The following SIRT6 variants were observed in gnomAD, a reference collection of about 807,000 sequenced individuals.
The protein encoded by SIRT6 is NAD-dependent protein deacylase sirtuin-6.
In SIRT6, 21 loss-of-function variants were observed where a neutral mutation model predicts 33.6. The observed-to-expected ratio is 0.62, with a 90% confidence interval of 0.44 to 0.90. The LOEUF is 0.90. SIRT6 is among the 40% of genes least tolerant of loss of function. SIRT6 has a pLI of 0.00. For missense variants in SIRT6, 504 were observed against 510.6 expected, an observed-to-expected ratio of 0.99 and a Z score of 0.12; for synonymous variants, 221 against 223.9, an observed-to-expected ratio of 0.99 and a Z score of 0.12.
At chr19:4,175,220 G>A in intron 6 of SIRT6, 69 bp from the exon 7 acceptor site, 1 of 1,526,082 alleles carries the variant, frequency 6.6e-7, no homozygotes. Context: ...AGCCCTGGGG[G>A]CCGGTTCACA....
chr19:4,174,694 G>T lies in SIRT6; in HGVS notation c.991C>A (p.Pro331Thr). 1 of 1,462,574 alleles carries T rather than the reference G, an allele frequency of 6.8e-7. No homozygotes were observed. Among genetic ancestry groups the T allele is most frequent in the African/African-American group, 1.4e-5 (1 of 70,408 alleles). The allele number at this position is 1,462,574 out of a possible 1,614,324, so 90.6% of individuals were successfully genotyped here. A position where few individuals can be genotyped will look rare whatever the true frequency, so the allele number is the denominator to read the frequency against. ...AQHNGSEPAS[P>T]KRERPTSPAP... Reference sequence around the variant, plus strand: ...GGGCTGGTGGGCCGCTCCCGTTTGGGGCTGGCGGGCTCTGAGCCGTTGTGC... The same window carrying T: ...GGGCTGGTGGGCCGCTCCCGTTTGGTGCTGGCGGGCTCTGAGCCGTTGTGC... Residue 331 changes from proline to threonine, a missense_variant, in exon 8 of 8, where the codon CCC becomes ACC. By Grantham distance (38) the Pro-to-Thr change is conservative. Transcript: ENST00000337491. The surrounding 1 kb of genome is among the most constrained non-coding windows in gnomAD (Gnocchi z 4.2).
intron 4 of SIRT6, among the ~76,000 whole-genome samples, chr19:4,176,687 A>C (rs1440314557): frequency 6.6e-6 from 1 of 152,172 alleles, no homozygotes; most frequent in African/African-American, 2.4e-5. Context: ...AAAGGCAGGA[A>C]AAATCCTCCC....
rs780192842 is a variant in SIRT6, at chr19:4,174,979, G to A, written c.739-33C>T. 1 of 1,608,834 alleles carries A rather than the reference G, an allele frequency of 6.2e-7. No individual in the cohort carries two copies. The highest frequency in any genetic ancestry group is 1.1e-5 in the South Asian group (1 of 90,360). On this transcript the variant is annotated intron_variant, in intron 7 of 7. Transcript: ENST00000337491. This position sits in a 1 kb window ranked among gnomAD's most constrained non-coding sequence, Gnocchi z 4.2. ...GGGGCGGGACGGGTCAGGCGTGGGG[G>A]ACAGAGGGTGCATGGTGGCCCTGGG... is the stretch of plus-strand genomic sequence containing the variant.
At chr19:4,177,250 C>A (rs2145166515) in intron 3 of SIRT6, 112 bp from the exon 4 acceptor site, 2 of 886,666 alleles carry the variant, frequency 2.3e-6, no homozygotes, top group East Asian at 2.6e-5. Context: ...GACTCCTCTC[C>A]CACAACATTG....
In SIRT6 at chr19:4,174,768, C is replaced by G. The variant is rs761055781; in HGVS notation, c.917G>C (p.Arg306Pro). 1.7e-5 allele frequency: 21 copies of G among 1,258,020 alleles called. No homozygotes were observed. Among genetic ancestry groups the G allele is most frequent in the Non-Finnish European group, 2.1e-5 (21 of 987,440 alleles). The allele number at this position is 1,258,020 out of a possible 1,614,324, so 77.9% of individuals were successfully genotyped here. ...GCCGGCGGGGATAGAGCCGTTGATC[C>G]GGGTGGGAGATTCCTCCTTGGGCTC... The part of the protein sequence containing the change: ...KLEPKEESPT[R>P]INGSIPAGPK... Residue 306 changes from arginine (R) to proline (P), a missense_variant, in exon 8 of 8, where the codon CGG (arginine) becomes CCG (proline). Coordinates refer to ENST00000337491, the MANE Select transcript of SIRT6 (RefSeq NM_016539.4). This position sits in a 1 kb window ranked among gnomAD's most constrained non-coding sequence, Gnocchi z 4.2.
chr19:4,177,210 T>C, intron 3 of SIRT6, 72 bp from the exon 4 acceptor site: 1 of 1,465,404 alleles, frequency 6.8e-7, no homozygotes, highest in Non-Finnish European at 9.5e-7. Flanking sequence ...GAGCTGGTGC[T>C]AAGCCCCTCT....
Position 4,179,223 on chromosome 19 carries a change from A to G in SIRT6, c.258T>C (p.Phe86=), listed in dbSNP as rs766273970. ...GGGTCTGCGTGGGCCGCGCGCTCTC[A>G]AAGGTGGTGTCGAACTTGGGGGCCA... The part of the protein sequence containing the change: ...RGLAPKFDTT[F]ESARPTQTHM... Residue 86 remains phenylalanine, a synonymous_variant, in exon 3 of 8, where the codon TTT becomes TTC. Transcript: ENST00000337491. 1 of 1,610,872 alleles carries G rather than the reference A, an allele frequency of 6.2e-7. No homozygotes were observed. The highest frequency in any genetic ancestry group is 8.5e-7 in the Non-Finnish European group (1 of 1,179,108).
chr19:4,179,171 C>G lies in SIRT6; in HGVS notation c.310G>C (p.Val104Leu), dbSNP rs757185877. The G allele has an allele frequency of 7.4e-6, 12 of 1,612,058 alleles. No homozygotes were observed. Among genetic ancestry groups the G allele is most frequent in the South Asian group, 1.1e-5 (1 of 90,714 alleles). Residue 104 changes from valine (V) to leucine (L), a missense_variant, in exon 3 of 8, where the codon GTG becomes CTG. Val to Leu is a conservative substitution (Grantham distance 32, BLOSUM62 1). Transcript: ENST00000337491. The stretch of plus-strand genomic sequence containing the variant: ...CTGACCAGGAAGCGGAGGAGGCCCA[C>G]GCGCTCCAGCTGCACCAGCGCCATG... ...THMALVQLER[V>L]GLLRFLVSQN...
chr19:4,180,303 C>A (rs1967550171), intron 2 of SIRT6, among the ~76,000 whole-genome samples: 1 of 152,004 alleles, frequency 6.6e-6, no homozygotes, highest in African/African-American at 2.4e-5. Flanking sequence ...CATTTCCCAG[C>A]AACCCTTGCA....
chr19:4,176,054 T>G, intron 4 of SIRT6, 117 bp from the exon 5 acceptor site: 3 of 792,474 alleles, frequency 3.8e-6, no homozygotes, highest in Non-Finnish European at 6.1e-6. Context: ...TGACCAGAAC[T>G]AGCACCCAGC....
chr19:4,176,302 T>C (rs540235991), intron 4 of SIRT6, among the ~76,000 whole-genome samples: 6 of 152,244 alleles, frequency 3.9e-5, no homozygotes, highest in Admixed American at 1.3e-4. Context: ...CTTTAATCGT[T>C]ATACTGGGCC....
intron 2 of SIRT6, among the ~76,000 whole-genome samples, chr19:4,179,692 G>A (rs1301008595): frequency 6.6e-6 from 1 of 152,216 alleles, no homozygotes; most frequent in African/African-American, 2.4e-5. Context: ...TTGATCTTGG[G>A]GGAGACAGGT....
At chr19:4,180,512 C>G (rs1220418974) in intron 2 of SIRT6, 1 of 280,428 alleles carries the variant, frequency 3.6e-6, no homozygotes, top group African/African-American at 2.2e-5. Flanking sequence ...TCCCGAGTAG[C>G]TGGGACTACA....
At chr19:4,178,805 T>G (rs993961231) in intron 3 of SIRT6, among the ~76,000 whole-genome samples, 9 of 152,086 alleles carry the variant, frequency 5.9e-5, no homozygotes, top group Non-Finnish European at 8.8e-5. Context: ...GCCATTGCAC[T>G]CCAGCCTGGG....
At position 4,174,711 on chromosome 19, in the gene SIRT6, C is replaced by T. The variant is rs1401979446; in HGVS notation, c.974G>A (p.Gly325Asp). The change falls in exon 8 of 8, where the codon GGC becomes GAC. Residue 325 changes from glycine to aspartate, a missense_variant. By Grantham distance (94) the Gly-to-Asp change is moderately conservative. Transcript: ENST00000337491. This position sits in a 1 kb window ranked among gnomAD's most constrained non-coding sequence, Gnocchi z 4.2. ...PKQEPCAQHNGSEPASPKRER... is the reference protein window; with the variant it reads ...PKQEPCAQHNDSEPASPKRER... ...CCGTTTGGGGCTGGCGGGCTCTGAG[C>T]CGTTGTGCTGGGCGCAGGGCTCCTG... The T allele has an allele frequency of 2.7e-6, 4 of 1,467,656 alleles. No homozygotes were observed. Among genetic ancestry groups the T allele is most frequent in the Non-Finnish European group, 3.6e-6 (4 of 1,108,478 alleles). The allele number at this position is 1,467,656 out of a possible 1,614,324, so 90.9% of individuals were successfully genotyped here.
Position 4,180,789 on chromosome 19 carries a change from CG to C in SIRT6, c.186del (p.Asp63ThrfsTer97). ...GAGISTASGI[P>X]DFRGPHGVWT... is the part of the protein sequence containing the mutation. The stretch of plus-strand genomic sequence containing the variant: ...CCCTGCACAATCACAGACCTGAAGT[CG>C]GGGATGCCAGAGGCAGTGCTGATGC... On this transcript the variant is annotated frameshift_variant, in exon 2 of 8. Coordinates refer to ENST00000337491, the MANE Select transcript of SIRT6 (RefSeq NM_016539.4). LOFTEE classifies it high-confidence loss of function. 6.2e-7 allele frequency: 1 copy of C among 1,610,372 alleles called. No homozygotes were observed. Among genetic ancestry groups the C allele is most frequent in the East Asian group, 2.2e-5 (1 of 44,846 alleles).
chr19:4,174,681 C>T lies in SIRT6; in HGVS notation c.1004G>A (p.Arg335Gln), dbSNP rs199502976. 202 of 1,460,174 alleles carry T rather than the reference C, an allele frequency of 1.4e-4. 1 individual carries two copies. In the East Asian group the frequency reaches 4.2e-3, roughly 30 times the overall value. The allele number at this position is 1,460,174 out of a possible 1,614,324, so 90.5% of individuals were successfully genotyped here. A position where few individuals can be genotyped will look rare whatever the true frequency, so the allele number is the denominator to read the frequency against. Residue 335 changes from arginine to glutamine, a missense_variant, in exon 8 of 8, where the codon CGG becomes CAG. Arg to Gln is a conservative substitution (Grantham distance 43). Coordinates refer to ENST00000337491, the MANE Select transcript of SIRT6 (RefSeq NM_016539.4). This position sits in a 1 kb window ranked among gnomAD's most constrained non-coding sequence, Gnocchi z 4.2. Reference protein sequence around the residue: ...GSEPASPKRERPTSPAPHRPP... With the variant: ...GSEPASPKREQPTSPAPHRPP... ...TCTGTGGGGGGCAGGGCTGGTGGGC[C>T]GCTCCCGTTTGGGGCTGGCGGGCTC...
chr19:4,182,198 T>C (rs1453839524), intron 1 of SIRT6: 6 of 461,174 alleles, frequency 1.3e-5, no homozygotes, highest in South Asian at 2.9e-5. Context: ...TCTCCAGGTG[T>C]GTTTATTCCC....
Position 4,180,764 on chromosome 19 carries a change from C to A in SIRT6, c.194+18G>T, listed in dbSNP as rs199583378. 1 of 1,599,292 alleles carries A rather than the reference C, an allele frequency of 6.3e-7. No homozygotes were observed. Among genetic ancestry groups the A allele is most frequent in the Non-Finnish European group, 8.5e-7 (1 of 1,171,566 alleles). On this transcript the variant is annotated intron_variant, in intron 2 of 7. Coordinates refer to ENST00000337491, the MANE Select transcript of SIRT6 (RefSeq NM_016539.4). ...GCCTGGTAGGCCTTGCCTCGACTTC[C>A]CCTGCACAATCACAGACCTGAAGTC...
Sources: gnomAD v4.1 joint callset for allele counts (sites outside exome capture counted in the v4.1 genomes callset) on GRCh38, gnomAD v4.1.1 for gene constraint, Gnocchi (gnomAD v3.1) non-coding constraint, MANE v1.5 for transcripts, NCBI Gene and HGNC (gene_info 2026-07-23, HGNC 2026-07-21) for gene names.